Variants in PRRC2A observed in about 807,000 individuals in gnomAD.
PRRC2A encodes proline rich coiled-coil 2A.
In PRRC2A, 59 loss-of-function variants were observed where a neutral mutation model predicts 224.6. That is an observed-to-expected ratio of 0.26 (90% confidence interval 0.21 to 0.33). The LOEUF (loss-of-function observed/expected upper bound fraction) is 0.33. PRRC2A is among the 10% of genes least tolerant of loss of function. The pLI is 1.00. For synonymous variants in PRRC2A, 1,194 were observed against 1,109.5 expected (o/e 1.08, Z -1.51); for missense variants, 3,095 against 2,880.7 (o/e 1.07, Z -1.70).
chr6:31,625,547 G>A lies in PRRC2A; in HGVS notation c.695G>A (p.Arg232Gln), dbSNP rs116604773. 21 of 1,574,410 alleles carry A rather than the reference G, an allele frequency of 1.3e-5. No individual in the cohort carries two copies. Among genetic ancestry groups the A allele is most frequent in the South Asian group, 1.1e-4 (9 of 84,936 alleles). Residue 232 changes from arginine to glutamine, a missense_variant, in exon 7 of 31, where the codon CGG becomes CAG. Transcript: ENST00000376033. The surrounding 1 kb of genome is among the most constrained non-coding windows in gnomAD (Gnocchi z 4.1). ...DSKLHHGHDP[R>Q]GGLQPSGPPQ... ...AAACTTCATCATGGTCATGATCCCC[G>A]GGGTGGGCTACAGCCTTCAGGCCCA... is the stretch of plus-strand genomic sequence containing the variant.
chr6:31,625,093 C>A lies in PRRC2A; in HGVS notation c.464-78C>A. The A allele has an allele frequency of 6.6e-7, 1 of 1,525,176 alleles. No individual in the cohort carries two copies. Among genetic ancestry groups the A allele is most frequent in the Non-Finnish European group, 8.9e-7 (1 of 1,120,644 alleles). The allele number at this position is 1,525,176 out of a possible 1,614,324, so 94.5% of individuals were successfully genotyped here. On this transcript the variant is annotated intron_variant, in intron 5 of 30. Transcript: ENST00000376033. This position sits in a 1 kb window ranked among gnomAD's most constrained non-coding sequence, Gnocchi z 4.1. ...GATTACAGGCGTGAGCCACCGCGCC[C>A]AGCCAGAGTCTTCCACTTTTATAGC...
Position 31,631,114 on chromosome 6 carries a change from C to G in PRRC2A, c.2466-25C>G. The G allele has an allele frequency of 6.9e-7, 1 of 1,456,280 alleles. No individual in the cohort carries two copies. The highest frequency in any genetic ancestry group is 9.3e-7 in the Non-Finnish European group (1 of 1,080,654). 90.2% of individuals were successfully genotyped at this position (1,456,280 alleles called of 1,614,324 possible). The stretch of plus-strand genomic sequence containing the variant: ...TCTGGTTTTCCTGAGATACTTATTT[C>G]CATTCTTTCTGTCTGTCTCTTCAGG... On this transcript the variant is annotated intron_variant, in intron 15 of 30. Coordinates refer to ENST00000376033, the MANE Select transcript of PRRC2A (RefSeq NM_004638.4). The surrounding 1 kb of genome is among the most constrained non-coding windows in gnomAD (Gnocchi z 4.5).
At position 31,631,473 on chromosome 6, in the gene PRRC2A, C is replaced by G; in HGVS notation, c.2800C>G (p.Arg934Gly). Reference protein sequence around the residue: ...TRWGPRPGSSRRGIPPEEPGA... With the variant: ...TRWGPRPGSSGRGIPPEEPGA... Reference sequence around the variant, plus strand: ...CTGGGGCCCTCGTCCAGGGAGCAGTCGTCGTGGAATCCCTCCAGAGGAGCC... The same window carrying G: ...CTGGGGCCCTCGTCCAGGGAGCAGTGGTCGTGGAATCCCTCCAGAGGAGCC... Residue 934 changes from arginine to glycine, a missense_variant, in exon 16 of 31, where the codon CGT becomes GGT. Arg to Gly is a moderately radical substitution (Grantham distance 125). Transcript: ENST00000376033. The surrounding 1 kb of genome is among the most constrained non-coding windows in gnomAD (Gnocchi z 4.5). 1 of 1,609,738 alleles carries G rather than the reference C, an allele frequency of 6.2e-7. No homozygotes were observed. Among genetic ancestry groups the G allele is most frequent in the Non-Finnish European group, 8.5e-7 (1 of 1,178,322 alleles).
chr6:31,622,579 GAA>G, intron 1 of PRRC2A, 109 bp from the exon 2 acceptor site: 1 of 510,120 alleles, frequency 2.0e-6, no homozygotes, highest in Non-Finnish European at 3.4e-6. Context: ...GGTTGCTTGA[GAA>G]GAGTGGGCAG....
At chr6:31,634,213 C>T (rs368043348) in intron 18 of PRRC2A, 23 bp from the exon 19 acceptor site, 2 of 1,577,182 alleles carry the variant, frequency 1.3e-6, no homozygotes, top group Non-Finnish European at 1.7e-6. Context: ...TCATGTTTTG[C>T]TTCTGGCCCT....
Position 31,632,667 on chromosome 6 carries a change from A to C in PRRC2A, c.3994A>C (p.Ser1332Arg). 1 of 1,613,122 alleles carries C rather than the reference A, an allele frequency of 6.2e-7. No homozygotes were observed. Among genetic ancestry groups the C allele is most frequent in the East Asian group, 2.2e-5 (1 of 44,880 alleles). Reference sequence around the variant, plus strand: ...TGCATCAGAGAGCAGTGACTTCACCAGTGAGCGCCGAGGGGACAAAGAGGC... The same window carrying C: ...TGCATCAGAGAGCAGTGACTTCACCCGTGAGCGCCGAGGGGACAAAGAGGC... ...ETASESSDFT[S>R]ERRGDKEAPP... The change falls in exon 16 of 31, where the codon AGT becomes CGT. Residue 1332 changes from serine (S) to arginine (R), a missense_variant. This residue lies in a region of PRRC2A where 2,001 missense variants were observed against 1,764.9 expected (regional missense o/e 1.13). Coordinates refer to ENST00000376033, the MANE Select transcript of PRRC2A (RefSeq NM_004638.4).
At position 31,627,267 on chromosome 6, in the gene PRRC2A, C is replaced by T. The variant is rs985026230; in HGVS notation, c.1290+69C>T. 2.7e-5 allele frequency: 32 copies of T among 1,177,890 alleles called. No individual in the cohort carries two copies. The highest frequency in any genetic ancestry group is 3.7e-5 in the Non-Finnish European group (30 of 820,646). The allele number at this position is 1,177,890 out of a possible 1,614,324, so 73.0% of individuals were successfully genotyped here. A position where few individuals can be genotyped will look rare whatever the true frequency, so the allele number is the denominator to read the frequency against. ...ATTGGTGTCAGCTGAGTAATTGAAG[C>T]GGTTGTGATATAGAGGAAGGGGGGT... On this transcript the variant is annotated intron_variant, in intron 11 of 30. Coordinates refer to ENST00000376033, the MANE Select transcript of PRRC2A (RefSeq NM_004638.4). This position sits in a 1 kb window ranked among gnomAD's most constrained non-coding sequence, Gnocchi z 5.6.
rs753466333 is a variant in PRRC2A at position 31,632,968 on chromosome 6, G to C, written c.4295G>C (p.Ser1432Thr). 5.0e-6 allele frequency: 8 copies of C among 1,591,240 alleles called. No individual in the cohort carries two copies. The Admixed American group carries it at 8.9e-5, about 18-fold the overall frequency. ...RTGPGRGDKR[S>T]WPSPKNRSRP... is the part of the protein sequence containing the mutation. The stretch of plus-strand genomic sequence containing the variant: ...GGGCCAGGACGAGGCGACAAGAGGA[G>C]CTGGCCCTCTCCCAAGAACCGAAGG... Residue 1432 changes from serine to threonine, a missense_variant, in exon 16 of 31, where the codon AGC (serine) becomes ACC (threonine). Transcript: ENST00000376033.
At position 31,628,027 on chromosome 6, in the gene PRRC2A, C is replaced by T. The variant is rs767170288; in HGVS notation, c.1553C>T (p.Pro518Leu). The change falls in exon 12 of 31, where the codon CCA (proline) becomes CTA (leucine). Residue 518 changes from proline (P) to leucine (L), a missense_variant. Transcript: ENST00000376033. ...PAAPPAAPST[P>L]APPPAVPKEL... The stretch of plus-strand genomic sequence containing the variant: ...GCCCCACCTGCTGCCCCTTCTACCC[C>T]AGCTCCACCACCTGCAGTCCCTAAA... 63 of 1,612,626 alleles carry T rather than the reference C, an allele frequency of 3.9e-5. No individual in the cohort carries two copies. The highest frequency in any genetic ancestry group is 3.3e-4 in the Middle Eastern group (2 of 6,082).
Position 31,631,920 on chromosome 6 carries a change from A to C in PRRC2A, c.3247A>C (p.Thr1083Pro). ...PNHPPAPRGR[T>P]ASETRSEGSE... ...CCACCCTCCTGCTCCCCGAGGCCGC[A>C]CTGCCAGCGAGACACGGAGCGAGGG... is the stretch of plus-strand genomic sequence containing the variant. Residue 1083 changes from threonine (T) to proline (P), a missense_variant, in exon 16 of 31, where the codon ACT becomes CCT. By Grantham distance (38) the Thr-to-Pro change is conservative (BLOSUM62 -1). This residue lies in a region of PRRC2A where 2,001 missense variants were observed against 1,764.9 expected (regional missense o/e 1.13). Coordinates refer to ENST00000376033, the MANE Select transcript of PRRC2A (RefSeq NM_004638.4). The surrounding 1 kb of genome is among the most constrained non-coding windows in gnomAD (Gnocchi z 4.5). 5 of 1,612,844 alleles carry C rather than the reference A, an allele frequency of 3.1e-6. No individual in the cohort carries two copies. In the South Asian group the frequency reaches 3.3e-5, roughly 11 times the overall value.
Position 31,637,403 on chromosome 6 carries a change from CCT to C in PRRC2A, c.6334-39_6334-38del, listed in dbSNP as rs1213741153. 1.2e-5 allele frequency: 20 copies of C among 1,603,462 alleles called. No homozygotes were observed. In the Admixed American group the frequency reaches 1.7e-4, roughly 13 times the overall value. ...TCCTGTCCTTCCGTCTCATCGCTGA[CCT>C]CTCACTGTGACTCACTGTTTAACAC... On this transcript the variant is annotated intron_variant, in intron 30 of 30. Coordinates refer to ENST00000376033, the MANE Select transcript of PRRC2A (RefSeq NM_004638.4).
intron 1 of PRRC2A, among the ~76,000 whole-genome samples, chr6:31,622,178 C>G (rs138123770): frequency 6.6e-6 from 1 of 152,342 alleles, no homozygotes; most frequent in Non-Finnish European, 1.5e-5. Flanking sequence ...AATCCTTAAA[C>G]TCCCAGCATA....
At chr6:31,637,200 C>T (rs765157092) in intron 29 of PRRC2A, 34 bp from the exon 30 acceptor site, 22 of 1,605,672 alleles carry the variant, frequency 1.4e-5, no homozygotes, top group Non-Finnish European at 1.7e-5. Flanking sequence ...GGGTCTGGAT[C>T]CTAGGCTTGC....
rs745601354 is a variant in PRRC2A, at chr6:31,633,912, C to T, written c.4642C>T (p.Arg1548Trp). Residue 1548 changes from arginine to tryptophan, a missense_variant, in exon 18 of 31, where the codon CGG becomes TGG. This residue lies in a region of PRRC2A where 2,001 missense variants were observed against 1,764.9 expected (regional missense o/e 1.13). Coordinates refer to ENST00000376033, the MANE Select transcript of PRRC2A (RefSeq NM_004638.4). ...GGTGAGAGGGGTGGGTGGGACTCCT[C>T]GGGACTCTGCCGGGGTTAGTCCCTT... is the stretch of plus-strand genomic sequence containing the variant. ...PMVRGVGGTP[R>W]DSAGVSPFPP... 1.3e-5 allele frequency: 21 copies of T among 1,584,368 alleles called. No homozygotes were observed. The highest frequency in any genetic ancestry group is 2.3e-5 in the South Asian group (2 of 86,212).
intron 5 of PRRC2A, chr6:31,624,855 G>T (rs1209255443): frequency 1.4e-5 from 7 of 513,900 alleles, no homozygotes; most frequent in Non-Finnish European, 2.4e-5. Context: ...CTGGAGTGCA[G>T]TGGCGCAATC....
chr6:31,630,942 G>T, intron 15 of PRRC2A, 141 bp downstream of exon 15: 1 of 1,292,088 alleles, frequency 7.7e-7, no homozygotes, highest in Non-Finnish European at 1.0e-6. Flanking sequence ...TGTAATCCCA[G>T]CATTTTGGGA....
chr6:31,629,373 T>A, intron 13 of PRRC2A, 39 bp downstream of exon 13: 1 of 1,528,470 alleles, frequency 6.5e-7, no homozygotes. Context: ...GCTGCTTTTC[T>A]TCCTGGCTTC....
At position 31,633,658 on chromosome 6, in the gene PRRC2A, G is replaced by A; in HGVS notation, c.4588+11G>A. On this transcript the variant is annotated intron_variant, in intron 17 of 30. Transcript: ENST00000376033. ...GCGGCCTCAGTTCTGGTAAGCTGGAGGGGTTATGGGTGGGAATATCTCCAT... is the reference window on the plus strand; with the variant it reads ...GCGGCCTCAGTTCTGGTAAGCTGGAAGGGTTATGGGTGGGAATATCTCCAT... 6.3e-7 allele frequency: 1 copy of A among 1,598,552 alleles called. No homozygotes were observed.
Position 31,631,906 on chromosome 6 carries a change from C to T in PRRC2A, c.3233C>T (p.Ala1078Val), listed in dbSNP as rs751773900. The change falls in exon 16 of 31, where the codon GCT (alanine) becomes GTT (valine). Residue 1078 changes from alanine (A) to valine (V), a missense_variant. Ala to Val is a moderately conservative substitution (Grantham distance 64). Transcript: ENST00000376033. The surrounding 1 kb of genome is among the most constrained non-coding windows in gnomAD (Gnocchi z 4.5). ...ACAGGGGGACCAAACCACCCTCCTG[C>T]TCCCCGAGGCCGCACTGCCAGCGAG... ...GGTGGPNHPP[A>V]PRGRTASETR... The T allele has an allele frequency of 6.2e-7, 1 of 1,612,228 alleles. No individual in the cohort carries two copies. Among genetic ancestry groups the T allele is most frequent in the Non-Finnish European group, 8.5e-7 (1 of 1,179,736 alleles).
Sources: allele counts gnomAD v4.1 joint callset (sites outside exome capture counted in the v4.1 genomes callset), GRCh38; gene constraint gnomAD v4.1.1; regional missense constraint gnomAD v4.1.1; non-coding constraint Gnocchi (gnomAD v3.1); transcripts MANE v1.5; gene names NCBI Gene and HGNC (gene_info 2026-07-23, HGNC 2026-07-21).